The following MICAL3 variants were observed in gnomAD, a reference collection of about 807,000 sequenced individuals.
MICAL3 encodes the protein microtubule associated monooxygenase, calponin and LIM domain containing 3.
Under a neutral mutation model 207.4 loss-of-function variants are expected in MICAL3, and 62 were observed. That is an observed-to-expected ratio of 0.30 (90% CI 0.24 to 0.37). The LOEUF (loss-of-function observed/expected upper bound fraction) is 0.37, where lower values mean the gene tolerates loss of function less well. Ranked by LOEUF, MICAL3 falls within the 10% of genes least tolerant of loss-of-function variation. The pLI is 1.00. For synonymous variants in MICAL3, 1,077 were observed against 1,069.3 expected (o/e 1.01, Z -0.14); for missense variants, 2,368 against 2,635.6 (o/e 0.90, Z 2.22).
At chr22:17,869,316 G>T (rs1183564169) in intron 17 of MICAL3, among the ~76,000 whole-genome samples, 1 of 152,126 alleles carries the variant, frequency 6.6e-6, no homozygotes, top group Admixed American at 6.5e-5. Flanking sequence ...AGACTGGGGT[G>T]TAACAGAGGC....
At chr22:17,876,642 G>C (rs549603699) in intron 16 of MICAL3, 2 of 152,770 alleles carry the variant, frequency 1.3e-5, no homozygotes, top group African/African-American at 4.8e-5. Flanking sequence ...GGGGAGGAGT[G>C]GGGGACTGGG....
intron 1 of MICAL3, among the ~76,000 whole-genome samples, chr22:17,934,911 G>A (rs1370041103): frequency 6.6e-6 from 1 of 151,970 alleles, no homozygotes; most frequent in East Asian, 1.9e-4. Flanking sequence ...GGGATGTGAA[G>A]GACCTCTTCA....
Position 17,790,608 on chromosome 22 carries a change from C to T in MICAL3, c.*124G>A. ...GGACTCGACCACTTTCCAAGCAGCA[C>T]ACGGGCATCTGAGCGTAAACTCCAA... On this transcript the variant is annotated 3_prime_UTR_variant, in exon 32 of 32. Transcript: ENST00000441493. 5 of 865,556 alleles carry T rather than the reference C, an allele frequency of 5.8e-6. No homozygotes were observed. Among genetic ancestry groups the T allele is most frequent in the Middle Eastern group, 2.6e-4 (1 of 3,886 alleles). The allele number at this position is 865,556 out of a possible 1,614,324, so 53.6% of individuals were successfully genotyped here. A position where few individuals can be genotyped will look rare whatever the true frequency, so the allele number is the denominator to read the frequency against.
chr22:17,827,325 C>G (rs560658041), intron 22 of MICAL3, among the ~76,000 whole-genome samples: 16 of 152,168 alleles, frequency 1.1e-4, no homozygotes, highest in African/African-American at 3.9e-4. Context: ...GAACGTTTTA[C>G]GAAGTGAGGA....
At chr22:17,860,461 G>A (rs1395686075) in intron 19 of MICAL3, 4 of 985,320 alleles carry the variant, frequency 4.1e-6, no homozygotes, top group Admixed American at 6.1e-5. Flanking sequence ...CGCCCCTCCC[G>A]CAGGCACCCC....
intron 17 of MICAL3, among the ~76,000 whole-genome samples, chr22:17,867,101 G>A (rs935492318): frequency 6.6e-6 from 1 of 152,170 alleles, no homozygotes; most frequent in African/African-American, 2.4e-5. Context: ...TTTCCCTGAT[G>A]ATCTGATTAT....
intron 1 of MICAL3, among the ~76,000 whole-genome samples, chr22:17,982,733 A>ACAT (rs35781218): frequency 1.1e-3 from 105 of 94,464 alleles, no homozygotes; most frequent in African/African-American, 3.3e-3. Context: ...ACATAACATA[A>ACAT]AAATAAAATA....
intron 1 of MICAL3, among the ~76,000 whole-genome samples, chr22:18,023,124 G>A (rs948739569): frequency 6.6e-6 from 1 of 151,914 alleles, no homozygotes; most frequent in Non-Finnish European, 1.5e-5. Flanking sequence ...CTGGAAAAAT[G>A]TCACCCTGAT....
At chr22:17,883,926 C>T (rs766020977) in intron 16 of MICAL3, among the ~76,000 whole-genome samples, 24 of 152,146 alleles carry the variant, frequency 1.6e-4, no homozygotes, top group African/African-American at 4.8e-4. Flanking sequence ...CCCAAGGTCA[C>T]GAGGAAACAT....
chr22:17,870,355 A>G (rs1429265786), intron 17 of MICAL3, among the ~76,000 whole-genome samples: 1 of 152,136 alleles, frequency 6.6e-6, no homozygotes, highest in Non-Finnish European at 1.5e-5. Flanking sequence ...CTGTGCTTCT[A>G]CAAAGCGACA....
chr22:17,920,355 C>T (rs189915644), intron 1 of MICAL3, among the ~76,000 whole-genome samples: 15 of 152,192 alleles, frequency 9.9e-5, no homozygotes, highest in East Asian at 1.9e-4. Flanking sequence ...GCCCCCAGCC[C>T]GTCCCCACCC....
intron 7 of MICAL3, among the ~76,000 whole-genome samples, chr22:17,897,996 C>A (rs1930994216): frequency 6.6e-6 from 1 of 152,086 alleles, no homozygotes; most frequent in Non-Finnish European, 1.5e-5. Context: ...GATGTTAAAG[C>A]CAAAACACAA....
chr22:17,929,492 C>G (rs1167978304), intron 1 of MICAL3, among the ~76,000 whole-genome samples: 2 of 151,908 alleles, frequency 1.3e-5, no homozygotes, highest in Non-Finnish European at 2.9e-5. Flanking sequence ...AACATTTTTT[C>G]CAAAGGCTCC....
intron 6 of MICAL3, among the ~76,000 whole-genome samples, chr22:17,899,963 G>A (rs1158745116): frequency 6.6e-6 from 1 of 152,220 alleles, no homozygotes. Context: ...GAAGCAGAGA[G>A]TGAACTACTG....
chr22:17,803,955 T>C (rs1309530950), intron 29 of MICAL3: 2 of 519,616 alleles, frequency 3.8e-6, no homozygotes, highest in African/African-American at 4.2e-5. Flanking sequence ...GAGCAATCAA[T>C]GATATGGAGC....
chr22:17,822,181 G>A lies in MICAL3; in HGVS notation c.3308-11C>T, dbSNP rs1288150368. 1 of 1,612,120 alleles carries A rather than the reference G, an allele frequency of 6.2e-7. No homozygotes were observed. Among genetic ancestry groups the A allele is most frequent in the South Asian group, 1.1e-5 (1 of 90,912 alleles). On this transcript the variant is annotated splice_polypyrimidine_tract_variant and intron_variant, in intron 23 of 31. Coordinates refer to ENST00000441493, the MANE Select transcript of MICAL3 (RefSeq NM_015241.3). The stretch of plus-strand genomic sequence containing the variant: ...CAGACCAGTGCTGATCTGGCAGAGG[G>A]AAGGGGCAGAAGTGGGTGCACACCC...
intron 21 of MICAL3, among the ~76,000 whole-genome samples, chr22:17,830,165 G>C: frequency 6.6e-6 from 1 of 152,064 alleles, no homozygotes; most frequent in East Asian, 1.9e-4. Context: ...CTACAGCAGG[G>C]GGAGCCAGAG....
chr22:17,930,937 C>T (rs560114312), intron 1 of MICAL3, among the ~76,000 whole-genome samples: 8 of 152,360 alleles, frequency 5.3e-5, no homozygotes, highest in East Asian at 1.9e-4. Context: ...GTCACTGGGC[C>T]GGGGACCCAA....
At chr22:17,980,486 C>A (rs1935858931) in intron 1 of MICAL3, among the ~76,000 whole-genome samples, 1 of 152,210 alleles carries the variant, frequency 6.6e-6, no homozygotes, top group Non-Finnish European at 1.5e-5. Flanking sequence ...TCCTAGTGGG[C>A]AAGGACAACT....
Sources: gnomAD v4.1 joint callset for allele counts (sites outside exome capture counted in the v4.1 genomes callset) on GRCh38, gnomAD v4.1.1 for gene constraint, MANE v1.5 for transcripts, NCBI Gene and HGNC (gene_info 2026-07-23, HGNC 2026-07-21) for gene names.